VIL1: variants seen among roughly 807,000 people sequenced by gnomAD.
The protein encoded by VIL1 is villin 1.
VIL1 carries 86 observed loss-of-function variants against 104.0 expected under a neutral mutation model. That is an observed-to-expected ratio of 0.83 (90% confidence interval 0.69 to 0.99). The LOEUF (loss-of-function observed/expected upper bound fraction) is 0.99. VIL1 is among the 50% of genes least tolerant of loss of function. The pLI, the probability that VIL1 is intolerant of heterozygous loss-of-function variation, is 0.00. For synonymous variants in VIL1, 394 were observed against 412.6 expected (o/e 0.95, Z 0.55); for missense variants, 944 against 1,054.1 (o/e 0.90, Z 1.45).
At position 218,436,465 on chromosome 2, in the gene VIL1, TTCTCTCCATCC is replaced by T; in HGVS notation, c.1827-15_1827-5del. ...ACACCTTCCTTCTGCCAGTACAATC[TTCTCTCCATCC>T]TGCAGACTACAGGAAGAAAACCTGG... On this transcript the variant is annotated splice_polypyrimidine_tract_variant and splice_region_variant and intron_variant, in intron 15 of 19. Coordinates refer to ENST00000248444, the MANE Select transcript of VIL1 (RefSeq NM_007127.3). The T allele has an allele frequency of 6.2e-7, 1 of 1,610,758 alleles. No individual in the cohort carries two copies. The highest frequency in any genetic ancestry group is 8.5e-7 in the Non-Finnish European group (1 of 1,178,330).
chr2:218,430,633 G>A (rs1559147132), intron 9 of VIL1, 92 bp from the exon 10 acceptor site: 5 of 1,467,820 alleles, frequency 3.4e-6, no homozygotes, highest in East Asian at 2.4e-5. Flanking sequence ...ATCTGATGGT[G>A]GATCTGGTTA....
In VIL1 at chr2:218,430,749, C is replaced by T. The variant is rs764395449; in HGVS notation, c.973C>T (p.Pro325Ser). Residue 325 changes from proline (P) to serine (S), a missense_variant, in exon 10 of 20, where the codon CCA (proline) becomes TCA (serine). By Grantham distance (74) the Pro-to-Ser change is moderately conservative (BLOSUM62 -1). Transcript: ENST00000248444. The stretch of plus-strand genomic sequence containing the variant: ...GAACTTCATCAAAGCCAAGCAGTAC[C>T]CACCAAGCACACAGGTGGAGGTGCA... The part of the protein sequence containing the change: ...ALNFIKAKQY[P>S]PSTQVEVQND... The T allele has an allele frequency of 4.9e-5, 78 of 1,607,616 alleles. No individual in the cohort carries two copies. The highest frequency in any genetic ancestry group is 6.6e-5 in the Non-Finnish European group (78 of 1,176,526).
At chr2:218,427,405 A>G (rs1689021177) in intron 4 of VIL1, among the ~76,000 whole-genome samples, 1 of 149,254 alleles carries the variant, frequency 6.7e-6, no homozygotes, top group South Asian at 2.1e-4. Flanking sequence ...CTCACTGCAA[A>G]CCTCCGCCTC....
rs149424808 is a variant in VIL1 at position 218,438,797 on chromosome 2, G to A, written c.2229+71G>A. 5.3e-4 allele frequency: 721 copies of A among 1,365,060 alleles called. 2 individuals are homozygous for A. The African/African-American group carries it at 8.2e-3, about 16-fold the overall frequency. The allele number at this position is 1,365,060 out of a possible 1,614,324, so 84.6% of individuals were successfully genotyped here. On this transcript the variant is annotated intron_variant, in intron 18 of 19. Transcript: ENST00000248444. ...GGTCAGACCTGTGGGAGCCAAGAACGCTGCAGAGAAGACACCAGAGTCCTG... is the reference window on the plus strand; with the variant it reads ...GGTCAGACCTGTGGGAGCCAAGAACACTGCAGAGAAGACACCAGAGTCCTG...
intron 2 of VIL1, 62 bp from the exon 3 acceptor site, chr2:218,424,215 C>T: frequency 6.7e-7 from 1 of 1,500,208 alleles, no homozygotes; most frequent in South Asian, 1.1e-5. Context: ...TTGGGCCCTC[C>T]TCCCAGGCCT....
At chr2:218,446,342 C>G (rs1318610578) in intron 19 of VIL1, among the ~76,000 whole-genome samples, 1 of 152,198 alleles carries the variant, frequency 6.6e-6, no homozygotes, top group East Asian at 1.9e-4. Context: ...TCAAGCTATT[C>G]TCCTGCCTCA....
At chr2:218,448,330 C>T (rs921478903) in intron 19 of VIL1, among the ~76,000 whole-genome samples, 2 of 152,044 alleles carry the variant, frequency 1.3e-5, no homozygotes, top group African/African-American at 2.4e-5. Flanking sequence ...TTTGGGAGGT[C>T]AAGGCGGGCA....
At chr2:218,442,279 G>C (rs770769155) in intron 19 of VIL1, among the ~76,000 whole-genome samples, 2 of 152,178 alleles carry the variant, frequency 1.3e-5, no homozygotes, top group African/African-American at 2.4e-5. Flanking sequence ...ACAATCATGA[G>C]TTTGGTGGTA....
At position 218,453,026 on chromosome 2, in the gene VIL1, C is replaced by T. The variant is rs1169978533; in HGVS notation, c.*3690C>T. On this transcript the variant is annotated 3_prime_UTR_variant, in exon 20 of 20. Coordinates refer to ENST00000248444, the MANE Select transcript of VIL1 (RefSeq NM_007127.3). ...ACTCTGGCGTTTTCTACCACTCTACCATTTTGGAACATTCATTACAATAAG... is the reference window on the plus strand; with the variant it reads ...ACTCTGGCGTTTTCTACCACTCTACTATTTTGGAACATTCATTACAATAAG... 1.3e-5 allele frequency: 2 copies of T among 152,158 alleles called. No homozygotes were observed. The highest frequency in any genetic ancestry group is 4.1e-4 in the South Asian group (2 of 4,832). 9.4% of individuals were successfully genotyped at this position (152,158 alleles called of 1,614,324 possible).
chr2:218,425,671 C>G lies in VIL1; in HGVS notation c.207C>G (p.Asp69Glu), dbSNP rs374273237. 1 of 1,614,232 alleles carries G rather than the reference C, an allele frequency of 6.2e-7. No individual in the cohort carries two copies. The change falls in exon 4 of 20, where the codon GAC (aspartate) becomes GAG (glutamate). Residue 69 changes from aspartate to glutamate, a missense_variant. Asp to Glu is a conservative substitution (Grantham distance 45). Transcript: ENST00000248444. ...SYDIHYWIGQDSSLDEQGAAA... is the reference protein window; with the variant it reads ...SYDIHYWIGQESSLDEQGAAA... ...ACATCCACTACTGGATTGGCCAGGA[C>G]TCATCCCTGGATGAGCAGGGGGCAG...
chr2:218,432,289 G>A, intron 12 of VIL1, 106 bp downstream of exon 12: 1 of 1,492,774 alleles, frequency 6.7e-7, no homozygotes, highest in Non-Finnish European at 9.0e-7. Context: ...TCTGGGGATG[G>A]GGTGCTCACC....
rs557613561 is a variant in VIL1, at chr2:218,441,380, C to G, written c.2370+518C>G. 6.4e-4 allele frequency among the ~76,000 whole-genome samples: 95 copies of G among 148,904 alleles called. No homozygotes were observed. In the South Asian group the frequency reaches 0.018, roughly 28 times the overall value. On this transcript the variant is annotated intron_variant, in intron 19 of 19. Transcript: ENST00000248444. Reference sequence around the variant, plus strand: ...CTCCACCCTGGGTGACAGAGTGAGACTGTCTCAAAAAAAGAAAAAAAAAAA... The same window carrying G: ...CTCCACCCTGGGTGACAGAGTGAGAGTGTCTCAAAAAAAGAAAAAAAAAAA...
In VIL1 at chr2:218,429,597, T is replaced by C. The variant is rs759773486; in HGVS notation, c.771T>C (p.His257=). 2.2e-5 allele frequency: 36 copies of C among 1,613,944 alleles called. No individual in the cohort carries two copies. Among genetic ancestry groups the C allele is most frequent in the Non-Finnish European group, 2.9e-5 (34 of 1,180,016 alleles). ...PALKAALKLY[H]VSDSEGNLVV... is the part of the protein sequence containing the mutation. ...TCTATGCCTTGCTTCTGTCCTGCAG[T>C]GTGTCTGACTCCGAGGGGAATCTGG... The change falls in exon 8 of 20, where the codon CAT becomes CAC. Residue 257 remains histidine (H), a splice_region_variant and synonymous_variant. Coordinates refer to ENST00000248444, the MANE Select transcript of VIL1 (RefSeq NM_007127.3).
intron 13 of VIL1, among the ~76,000 whole-genome samples, chr2:218,434,231 G>C (rs1574816561): frequency 6.7e-6 from 1 of 149,912 alleles, no homozygotes; most frequent in Non-Finnish European, 1.5e-5. Context: ...GAGCTAGCTG[G>C]AGGGTTTGAT....
chr2:218,447,925 T>G (rs1689392498), intron 19 of VIL1, among the ~76,000 whole-genome samples: 1 of 152,154 alleles, frequency 6.6e-6, no homozygotes, highest in Non-Finnish European at 1.5e-5. Flanking sequence ...ATATGTAGTA[T>G]TATTTTCATT....
At chr2:218,438,612 C>T in intron 17 of VIL1, 46 bp from the exon 18 acceptor site, 1 of 1,559,648 alleles carries the variant, frequency 6.4e-7, no homozygotes, top group Non-Finnish European at 8.8e-7. Context: ...TCATCCATCT[C>T]CTCTGCTGAG....
chr2:218,431,473 C>T (rs1394543205), intron 10 of VIL1, among the ~76,000 whole-genome samples: 1 of 151,976 alleles, frequency 6.6e-6, no homozygotes, highest in African/African-American at 2.4e-5. Flanking sequence ...TTGCTGAGGG[C>T]AAGCTCGGTG....
At chr2:218,428,990 G>A (rs751593132) in intron 6 of VIL1, among the ~76,000 whole-genome samples, 10 of 152,148 alleles carry the variant, frequency 6.6e-5, no homozygotes, top group South Asian at 4.1e-4. Flanking sequence ...GGCTCAGCTC[G>A]TGTCCCGAAC....
rs750570549 is a variant in VIL1, at chr2:218,430,867, T to A, written c.1091T>A (p.Val364Glu). ...RTSGLGKTHTVGSVAKVEQVK... is the reference protein window; with the variant it reads ...RTSGLGKTHTEGSVAKVEQVK... ...TCAGGCCTAGGCAAAACCCACACTG[T>A]GGGCTCCGTGGGTGAGGGCCAGGCG... is the stretch of plus-strand genomic sequence containing the variant. Residue 364 changes from valine (V) to glutamate (E), a missense_variant, in exon 10 of 20, where the codon GTG becomes GAG. Val to Glu is a moderately radical substitution (Grantham distance 121). Coordinates refer to ENST00000248444, the MANE Select transcript of VIL1 (RefSeq NM_007127.3). 1 of 1,613,030 alleles carries A rather than the reference T, an allele frequency of 6.2e-7. No homozygotes were observed. Among genetic ancestry groups the A allele is most frequent in the Non-Finnish European group, 8.5e-7 (1 of 1,179,528 alleles).
Sources: allele counts gnomAD v4.1 joint callset (sites outside exome capture counted in the v4.1 genomes callset), GRCh38; gene constraint gnomAD v4.1.1; transcripts MANE v1.5; gene names NCBI Gene and HGNC (gene_info 2026-07-23, HGNC 2026-07-21).